FAM53B: variants seen among roughly 807,000 people sequenced by gnomAD.
FAM53B encodes protein FAM53B.
A neutral mutation model predicts 32.7 loss-of-function variants in FAM53B; 12 were observed. The ratio of observed to expected loss-of-function variants is 0.37; its 90% CI spans 0.24 to 0.59. FAM53B has a LOEUF of 0.59. Ranked by LOEUF, FAM53B falls within the 20% of genes least tolerant of loss-of-function variation. The probability of loss-of-function intolerance (pLI) is 0.72; values close to 1 mark genes in which losing one functional copy is unlikely to be tolerated. For missense variants in FAM53B, 477 were observed against 577.7 expected (o/e 0.83, Z 1.79); for synonymous variants, 234 against 228.7 (o/e 1.02, Z -0.21).
At chr10:124,667,201 T>C (rs1321704191) in intron 4 of FAM53B, 2 of 552,232 alleles carry the variant, frequency 3.6e-6, no homozygotes, top group Non-Finnish European at 6.4e-6. Context: ...AGTGCATTCA[T>C]GATTTACTTA....
Position 124,682,485 on chromosome 10 carries a change from C to CA in FAM53B, c.134-107dup, listed in dbSNP as rs540541449. The CA allele has an allele frequency of 8.0e-6, 8 of 998,854 alleles. No individual in the cohort carries two copies. Among genetic ancestry groups the CA allele is most frequent in the Non-Finnish European group, 1.2e-5 (8 of 695,352 alleles). 61.9% of individuals were successfully genotyped at this position (998,854 alleles called of 1,614,324 possible). On this transcript the variant is annotated intron_variant, in intron 3 of 4. Coordinates refer to ENST00000337318, the MANE Select transcript of FAM53B (RefSeq NM_014661.4). The surrounding 1 kb of genome is among the most constrained non-coding windows in gnomAD (Gnocchi z 5.2). ...CGTTTCAAACACAGTATCTTAGAGCCAAAAGGCCCTTAGAAACCATCCAGT... is the reference window on the plus strand; with the variant it reads ...CGTTTCAAACACAGTATCTTAGAGCCAAAAAGGCCCTTAGAAACCATCCAGT...
chr10:124,702,643 T>C (rs2134082303), intron 2 of FAM53B, among the ~76,000 whole-genome samples: 1 of 152,180 alleles, frequency 6.6e-6, no homozygotes, highest in South Asian at 2.1e-4. Context: ...ACAGTTTCCT[T>C]CCTGTATAAT....
rs887162089 is a variant in FAM53B at position 124,729,730 on chromosome 10, A to G, written c.-175+14283T>C. Reference sequence around the variant, plus strand: ...TGTACAATGCATTTCAGAGACTCCAATGTAGACAGCGTGGACTACAACCAG... The same window carrying G: ...TGTACAATGCATTTCAGAGACTCCAGTGTAGACAGCGTGGACTACAACCAG... On this transcript the variant is annotated intron_variant, in intron 1 of 4. Transcript: ENST00000337318. Among the ~76,000 whole-genome samples the G allele has an allele frequency of 5.3e-5, 8 of 152,240 alleles. No homozygotes were observed. In the South Asian group the frequency reaches 8.3e-4, roughly 16 times the overall value.
At chr10:124,634,070 G>A (rs1241615708) in intron 4 of FAM53B, among the ~76,000 whole-genome samples, 1 of 152,164 alleles carries the variant, frequency 6.6e-6, no homozygotes, top group African/African-American at 2.4e-5. Flanking sequence ...TCTAAGAAAT[G>A]AAAACATATG....
intron 1 of FAM53B, among the ~76,000 whole-genome samples, chr10:124,730,913 T>C (rs753576242): frequency 8.5e-5 from 13 of 152,218 alleles, no homozygotes; most frequent in Non-Finnish European, 1.6e-4. Flanking sequence ...CTGTGGTCTA[T>C]AAATTCTGCT....
At chr10:124,669,525 G>A (rs7073663) in intron 4 of FAM53B, among the ~76,000 whole-genome samples, 36,733 of 152,190 alleles carry the variant, frequency 0.24, 5,617 homozygotes, top group African/African-American at 0.43. Flanking sequence ...GGAGGATGTG[G>A]TAAGTAACAG....
At position 124,620,355 on chromosome 10, in the gene FAM53B, G is replaced by GCACCCCCCCCCCCCCC. The variant is rs139972068; in HGVS notation, c.*2886_*2887insGGGGGGGGGGGGGGTG. ...ATGAGTGGGGTGCATGTGGCACTAA[G>GCACCCCCCCCCCCCCC]CCCCCCCCACCGCCCCGGCTTTCCT... On this transcript the variant is annotated 3_prime_UTR_variant, in exon 5 of 5. Coordinates refer to ENST00000337318, the MANE Select transcript of FAM53B (RefSeq NM_014661.4). The GCACCCCCCCCCCCCCC allele has an allele frequency of 7.7e-6, 1 of 130,714 alleles. No homozygotes were observed. The highest frequency in any genetic ancestry group is 2.9e-5 in the African/African-American group (1 of 33,938). The allele number at this position is 130,714 out of a possible 1,614,324, so 8.1% of individuals were successfully genotyped here. A position where few individuals can be genotyped will look rare whatever the true frequency, so the allele number is the denominator to read the frequency against.
intron 1 of FAM53B, among the ~76,000 whole-genome samples, chr10:124,724,930 C>T (rs1287957457): frequency 1.3e-5 from 2 of 152,218 alleles, no homozygotes; most frequent in African/African-American, 4.8e-5. Flanking sequence ...ATGTGCCCAG[C>T]TGCTGGGGGC....
At chr10:124,723,649 G>C (rs1950083782) in intron 1 of FAM53B, among the ~76,000 whole-genome samples, 1 of 152,210 alleles carries the variant, frequency 6.6e-6, no homozygotes, top group Non-Finnish European at 1.5e-5. Flanking sequence ...CTGCTTTTAG[G>C]AGGAAGAGTC....
chr10:124,687,865 G>A (rs759200861), intron 3 of FAM53B, among the ~76,000 whole-genome samples: 6 of 152,190 alleles, frequency 3.9e-5, no homozygotes, highest in African/African-American at 1.2e-4. Flanking sequence ...ACATCTGTCC[G>A]AATGGCGGCC....
In FAM53B at chr10:124,682,031, G is replaced by C; in HGVS notation, c.482C>G (p.Thr161Ser). 5 of 1,613,812 alleles carry C rather than the reference G, an allele frequency of 3.1e-6. No homozygotes were observed. Among genetic ancestry groups the C allele is most frequent in the Non-Finnish European group, 4.2e-6 (5 of 1,179,810 alleles). The change falls in exon 4 of 5, where the codon ACC becomes AGC. Residue 161 changes from threonine (T) to serine (S), a missense_variant. Physicochemically the swap from Thr to Ser is moderately conservative, Grantham distance 58. Around this residue, in one of 2 missense-constraint regions of FAM53B, gnomAD observed 312 missense variants for 420.2 expected, o/e 0.74. Transcript: ENST00000337318. This position sits in a 1 kb window ranked among gnomAD's most constrained non-coding sequence, Gnocchi z 5.2. ...GCTGAAGCTGGAACTCCTCTGCATG[G>C]TGCTGAAGCCGTTGGAATAGCGCTG... ...SVQRYSNGFS[T>S]MQRSSSFSLP...
rs1396235042 is a variant in FAM53B, at chr10:124,733,084, T to C, written c.-175+10929A>G. 6.6e-6 allele frequency among the ~76,000 whole-genome samples: 1 copy of C among 151,726 alleles called. No individual in the cohort carries two copies. Among genetic ancestry groups the C allele is most frequent in the Non-Finnish European group, 1.5e-5 (1 of 67,946 alleles). The stretch of plus-strand genomic sequence containing the variant: ...CCCGGGAATGAGATGAACAGAGAGG[T>C]TTACTGTTAAAATCAAAACCATCTG... On this transcript the variant is annotated intron_variant, in intron 1 of 4. Coordinates refer to ENST00000337318, the MANE Select transcript of FAM53B (RefSeq NM_014661.4). This position sits in a 1 kb window ranked among gnomAD's most constrained non-coding sequence, Gnocchi z 4.3.
intron 1 of FAM53B, among the ~76,000 whole-genome samples, chr10:124,723,536 CAG>C (rs1338092616): frequency 1.3e-5 from 2 of 152,240 alleles, no homozygotes; most frequent in African/African-American, 4.8e-5. Flanking sequence ...AAACACTCAT[CAG>C]AGTTTCTGTG....
intron 4 of FAM53B, among the ~76,000 whole-genome samples, chr10:124,643,805 G>A (rs1222063438): frequency 6.6e-6 from 1 of 152,240 alleles, no homozygotes; most frequent in East Asian, 1.9e-4. Context: ...AGCGGTGCAC[G>A]CTGGGCGGCT....
chr10:124,624,262 AGAAGGGGCCGAGCT>A (rs1052765440), intron 4 of FAM53B, among the ~76,000 whole-genome samples: 11 of 152,226 alleles, frequency 7.2e-5, no homozygotes, highest in Non-Finnish European at 1.0e-4. Context: ...GCCGCAGGCT[AGAAGGGGCCGAGCT>A]GAAGTCCTGA....
intron 4 of FAM53B, among the ~76,000 whole-genome samples, chr10:124,657,108 ATG>A (rs372575483): frequency 0.14 from 19,698 of 136,870 alleles, 1,594 homozygotes; most frequent in African/African-American, 0.2. Flanking sequence ...GTGTATATAT[ATG>A]TGTGTGTGTA....
chr10:124,684,329 C>T (rs1399764807), intron 3 of FAM53B, among the ~76,000 whole-genome samples: 1 of 152,232 alleles, frequency 6.6e-6, no homozygotes, highest in Non-Finnish European at 1.5e-5. Flanking sequence ...TCAATATCTG[C>T]TCCTCCAACT....
chr10:124,621,930 A>C lies in FAM53B; in HGVS notation c.*1312T>G, dbSNP rs1337088500. ...CATTCGCTAAAAGCCAGATTCCCAT[A>C]GAGCAGAGCCCATGTGGTGGTGTCT... On this transcript the variant is annotated 3_prime_UTR_variant, in exon 5 of 5. Transcript: ENST00000337318. 1 of 152,528 alleles carries C rather than the reference A, an allele frequency of 6.6e-6. No individual in the cohort carries two copies. Among genetic ancestry groups the C allele is most frequent in the Non-Finnish European group, 1.5e-5 (1 of 68,056 alleles). The allele number at this position is 152,528 out of a possible 1,614,324, so 9.4% of individuals were successfully genotyped here.
intron 4 of FAM53B, among the ~76,000 whole-genome samples, chr10:124,677,167 C>T (rs1002693507): frequency 4.6e-5 from 7 of 152,204 alleles, no homozygotes; most frequent in African/African-American, 1.7e-4. Context: ...CTCACACACA[C>T]GTGATCCATG....
Sources: gnomAD v4.1 joint callset for allele counts (sites outside exome capture counted in the v4.1 genomes callset) on GRCh38, gnomAD v4.1.1 for gene constraint, gnomAD v4.1.1 regional missense constraint, Gnocchi (gnomAD v3.1) non-coding constraint, MANE v1.5 for transcripts, NCBI Gene and HGNC (gene_info 2026-07-23, HGNC 2026-07-21) for gene names.